The following CHCHD3 variants were observed in gnomAD, a reference collection of about 807,000 sequenced individuals.
CHCHD3 encodes the protein coiled-coil-helix-coiled-coil-helix domain containing 3.
In CHCHD3, 20 loss-of-function variants were observed where a neutral mutation model predicts 38.2. The ratio of observed to expected loss-of-function variants is 0.52; its 90% CI spans 0.37 to 0.76. CHCHD3 has a LOEUF of 0.76. CHCHD3 is among the 30% of genes least tolerant of loss of function. The pLI is 0.00. For missense variants in CHCHD3, 245 were observed against 279.2 expected, an observed-to-expected ratio of 0.88 and a Z score of 0.87; for synonymous variants, 82 against 100.0, an observed-to-expected ratio of 0.82 and a Z score of 1.07.
chr7:132,994,658 A>G (rs2117377981), intron 3 of CHCHD3, among the ~76,000 whole-genome samples: 1 of 152,232 alleles, frequency 6.6e-6, no homozygotes, highest in African/African-American at 2.4e-5. Context: ...ATCAAATTTT[A>G]TATCATTGAA....
At chr7:132,932,062 T>G (rs1810527438) in intron 4 of CHCHD3, among the ~76,000 whole-genome samples, 2 of 152,188 alleles carry the variant, frequency 1.3e-5, no homozygotes, top group Non-Finnish European at 2.9e-5. Context: ...AGACCCACTA[T>G]GGACACTGCA....
intron 2 of CHCHD3, among the ~76,000 whole-genome samples, chr7:133,040,510 A>G (rs1813805093): frequency 6.6e-6 from 1 of 152,166 alleles, no homozygotes; most frequent in African/African-American, 2.4e-5. Flanking sequence ...TACTTAATGA[A>G]GTAACCCTTA....
intron 4 of CHCHD3, among the ~76,000 whole-genome samples, chr7:132,886,544 T>G (rs1398814316): frequency 1.3e-5 from 2 of 151,770 alleles, no homozygotes; most frequent in Admixed American, 6.6e-5. Flanking sequence ...CCTATATCAC[T>G]CTGAGTTAGA....
rs528453590 is a variant in CHCHD3, at chr7:133,035,786, G to A, written c.170-11159C>T. ...GAAATTTGCGAAGAAATTCAGAGGT[G>A]CGGTTGGTTTGGCCAAAATGGAAGT... On this transcript the variant is annotated intron_variant, in intron 2 of 7. Coordinates refer to ENST00000262570, the MANE Select transcript of CHCHD3 (RefSeq NM_017812.4). The surrounding 1 kb of genome is among the most constrained non-coding windows in gnomAD (Gnocchi z 4.7). 8.7e-6 allele frequency: 14 copies of A among 1,613,228 alleles called. No homozygotes were observed. The South Asian group carries it at 1.3e-4, about 15-fold the overall frequency.
chr7:132,816,159 T>C (rs1807196505), intron 6 of CHCHD3, among the ~76,000 whole-genome samples: 1 of 152,188 alleles, frequency 6.6e-6, no homozygotes, highest in African/African-American at 2.4e-5. Flanking sequence ...TCTCTTCCAA[T>C]AAGCACCTTG....
intron 4 of CHCHD3, among the ~76,000 whole-genome samples, chr7:132,954,399 A>G (rs114135271): frequency 1.8e-4 from 28 of 152,288 alleles, no homozygotes; most frequent in African/African-American, 6.7e-4. Flanking sequence ...ACGACACTAG[A>G]CATTTTGCTG....
chr7:133,043,681 T>C (rs1584667800), intron 2 of CHCHD3, among the ~76,000 whole-genome samples: 1 of 152,030 alleles, frequency 6.6e-6, no homozygotes, highest in Non-Finnish European at 1.5e-5. Context: ...TTCCCTTTCA[T>C]GCTCTACTGT....
At chr7:133,012,075 G>A (rs1812892374) in intron 3 of CHCHD3, among the ~76,000 whole-genome samples, 2 of 152,152 alleles carry the variant, frequency 1.3e-5, no homozygotes, top group South Asian at 4.1e-4. Context: ...GCAATTTTCT[G>A]TTAGACTAGC....
At chr7:132,995,461 T>C (rs756904362) in intron 3 of CHCHD3, among the ~76,000 whole-genome samples, 1 of 152,212 alleles carries the variant, frequency 6.6e-6, no homozygotes. Flanking sequence ...CTATGCTGTA[T>C]CCTCACTTGA....
intron 2 of CHCHD3, among the ~76,000 whole-genome samples, chr7:133,065,383 T>G (rs1460582013): frequency 2.0e-5 from 3 of 152,206 alleles, no homozygotes; most frequent in Non-Finnish European, 2.9e-5. Flanking sequence ...CACTTTCTTA[T>G]AGTATAAAAT....
chr7:132,916,514 A>G (rs1030263714), intron 4 of CHCHD3, among the ~76,000 whole-genome samples: 3 of 152,198 alleles, frequency 2.0e-5, no homozygotes, highest in African/African-American at 4.8e-5. Flanking sequence ...TGATATTCAC[A>G]TAACTTTTAT....
chr7:132,984,471 TGCCCGGCC>T (rs1812024589), intron 3 of CHCHD3, among the ~76,000 whole-genome samples: 2 of 148,526 alleles, frequency 1.3e-5, no homozygotes, highest in African/African-American at 2.5e-5. Context: ...TTGCAGCCTC[TGCCCGGCC>T]GCCACCCCAT....
chr7:132,917,544 T>TA (rs1480661930), intron 4 of CHCHD3, among the ~76,000 whole-genome samples: 3 of 152,080 alleles, frequency 2.0e-5, no homozygotes, highest in East Asian at 1.9e-4. Flanking sequence ...TTTCTTCACC[T>TA]AAAAAAATGG....
At chr7:133,033,903 G>T (rs1813574298) in intron 2 of CHCHD3, among the ~76,000 whole-genome samples, 1 of 151,680 alleles carries the variant, frequency 6.6e-6, no homozygotes, top group South Asian at 2.1e-4. Flanking sequence ...TAATTCAATA[G>T]AAATGGAAAA....
At chr7:133,004,641 A>C (rs1421928480) in intron 3 of CHCHD3, among the ~76,000 whole-genome samples, 1 of 152,226 alleles carries the variant, frequency 6.6e-6, no homozygotes, top group Non-Finnish European at 1.5e-5. Context: ...AACTAAAGAC[A>C]CTGAAACAAT....
chr7:132,838,495 G>T (rs374022840), intron 5 of CHCHD3, 26 bp from the exon 6 acceptor site: 5 of 1,528,620 alleles, frequency 3.3e-6, no homozygotes, highest in African/African-American at 2.8e-5. Context: ...GATAGCAAAG[G>T]TTTCACTATC....
intron 2 of CHCHD3, chr7:133,034,700 C>T (rs1813606098): frequency 6.2e-7 from 1 of 1,613,206 alleles, no homozygotes; most frequent in Non-Finnish European, 8.5e-7. Context: ...TCTGGGTCTC[C>T]TCTCTGCCAG....
intron 3 of CHCHD3, among the ~76,000 whole-genome samples, chr7:133,016,710 A>G (rs942130298): frequency 6.6e-6 from 1 of 152,180 alleles, no homozygotes; most frequent in African/African-American, 2.4e-5. Flanking sequence ...GGAGGTCAGG[A>G]GGGGAAACAG....
At chr7:132,850,540 G>C (rs1808195154) in intron 5 of CHCHD3, among the ~76,000 whole-genome samples, 1 of 150,126 alleles carries the variant, frequency 6.7e-6, no homozygotes, top group African/African-American at 2.5e-5. Context: ...GAAAACCTTA[G>C]TTACATTACC....
Sources: allele counts gnomAD v4.1 joint callset (sites outside exome capture counted in the v4.1 genomes callset), GRCh38; gene constraint gnomAD v4.1.1; non-coding constraint Gnocchi (gnomAD v3.1); transcripts MANE v1.5; gene names NCBI Gene and HGNC (gene_info 2026-07-23, HGNC 2026-07-21).